Variants in CILK1 observed in about 807,000 individuals in gnomAD.
CILK1 encodes the protein serine/threonine-protein kinase ICK.
A neutral mutation model predicts 79.2 loss-of-function variants in CILK1; 47 were observed. That is an observed-to-expected ratio of 0.59 (90% CI 0.47 to 0.76). The LOEUF (loss-of-function observed/expected upper bound fraction) is 0.76, where lower values mean the gene tolerates loss of function less well. CILK1 is among the 30% of genes least tolerant of loss of function. CILK1 has a pLI of 0.00. For synonymous variants in CILK1, 266 were observed against 275.9 expected, an observed-to-expected ratio of 0.96 and a Z score of 0.36; for missense variants, 660 against 769.5, an observed-to-expected ratio of 0.86 and a Z score of 1.68.
intron 2 of CILK1, among the ~76,000 whole-genome samples, chr6:53,040,229 T>C (rs1320708166): frequency 6.6e-6 from 1 of 152,180 alleles, no homozygotes; most frequent in Non-Finnish European, 1.5e-5. Context: ...CCCCTCTCCT[T>C]CAACGACTTG....
At chr6:53,018,853 G>C (rs565438947) in intron 6 of CILK1, among the ~76,000 whole-genome samples, 1 of 152,310 alleles carries the variant, frequency 6.6e-6, no homozygotes, top group South Asian at 2.1e-4. Flanking sequence ...CTTGTGTGTA[G>C]ACTACTTGGT....
chr6:53,019,309 C>G lies in CILK1; in HGVS notation c.409G>C (p.Glu137Gln), dbSNP rs777048318. The G allele has an allele frequency of 1.8e-5, 29 of 1,613,864 alleles. No homozygotes were observed. Among genetic ancestry groups the G allele is most frequent in the Admixed American group, 5.0e-5 (3 of 59,990 alleles). ...KPENLLCMGP[E>Q]LVKIADFGLA... The stretch of plus-strand genomic sequence containing the variant: ...CCAAAGTCTGCAATTTTCACAAGTT[C>G]TGGTCCCATGCAGAGGAGGTTCTCA... The change falls in exon 6 of 14, where the codon GAA becomes CAA. Residue 137 changes from glutamate (E) to glutamine (Q), a missense_variant. Transcript: ENST00000676107.
chr6:53,052,528 C>T (rs1293010181), intron 1 of CILK1, among the ~76,000 whole-genome samples: 1 of 151,962 alleles, frequency 6.6e-6, no homozygotes, highest in Non-Finnish European at 1.5e-5. Flanking sequence ...GTCAGGAGTT[C>T]GAGATCAGCC....
At chr6:53,028,051 G>A (rs1765689841) in intron 5 of CILK1, among the ~76,000 whole-genome samples, 1 of 152,068 alleles carries the variant, frequency 6.6e-6, no homozygotes, top group Non-Finnish European at 1.5e-5. Flanking sequence ...GGAGGCTGAG[G>A]CGGGAGAATG....
chr6:53,039,761 T>G (rs994375187), intron 2 of CILK1, among the ~76,000 whole-genome samples: 3 of 152,160 alleles, frequency 2.0e-5, no homozygotes, highest in Non-Finnish European at 4.4e-5. Flanking sequence ...TGAAGTTGTA[T>G]GTTTAAAATA....
chr6:53,042,839 T>C (rs1581747282), intron 1 of CILK1, among the ~76,000 whole-genome samples: 1 of 152,112 alleles, frequency 6.6e-6, no homozygotes, highest in Non-Finnish European at 1.5e-5. Context: ...AGTGAAAAAG[T>C]TGGTAAAATC....
intron 8 of CILK1, among the ~76,000 whole-genome samples, chr6:53,015,419 T>C (rs1167198963): frequency 6.6e-6 from 1 of 152,248 alleles, no homozygotes; most frequent in East Asian, 1.9e-4. Flanking sequence ...CCTGACTTCA[T>C]ACTTCCGGTC....
Position 53,061,785 on chromosome 6 carries a change from G to T in CILK1, c.-362C>A, listed in dbSNP as rs748806828. On this transcript the variant is annotated 5_prime_UTR_variant, in exon 1 of 14. It adds an upstream start codon to the 5' untranslated region. Coordinates refer to ENST00000676107, the MANE Select transcript of CILK1 (RefSeq NM_014920.5). ...CCGCACGGCGCATGGTAGTGCAGCA[G>T]GAACCCGGCCGTTTTCCAGCCTCCG... The T allele has an allele frequency of 6.6e-5, 10 of 152,298 alleles. No homozygotes were observed. The highest frequency in any genetic ancestry group is 1.5e-4 in the Non-Finnish European group (10 of 68,068). 9.4% of individuals were successfully genotyped at this position (152,298 alleles called of 1,614,324 possible).
intron 3 of CILK1, among the ~76,000 whole-genome samples, chr6:53,035,005 T>A (rs1766217213): frequency 6.6e-6 from 1 of 152,102 alleles, no homozygotes; most frequent in South Asian, 2.1e-4. Flanking sequence ...CCTAGTTTGG[T>A]TCTGAGGGAG....
intron 4 of CILK1, among the ~76,000 whole-genome samples, chr6:53,031,894 T>TGC (rs926955221): frequency 2.0e-5 from 3 of 152,128 alleles, no homozygotes; most frequent in African/African-American, 7.2e-5. Flanking sequence ...AGTGCAATGG[T>TGC]GCGATGTCCG....
chr6:53,008,591 A>G (rs535786501), intron 12 of CILK1, among the ~76,000 whole-genome samples: 2 of 151,970 alleles, frequency 1.3e-5, no homozygotes, highest in Admixed American at 6.6e-5. Context: ...ATGCCTGGCT[A>G]ATTTTTATAT....
At chr6:53,037,850 A>G (rs775627625) in intron 3 of CILK1, 89 bp downstream of exon 3, 1 of 806,522 alleles carries the variant, frequency 1.2e-6, no homozygotes, top group Non-Finnish European at 2.1e-6. Flanking sequence ...AAAAAATTCA[A>G]ATGAAATGAC....
intron 8 of CILK1, among the ~76,000 whole-genome samples, chr6:53,014,402 T>C (rs1323477653): frequency 6.6e-6 from 1 of 152,174 alleles, no homozygotes; most frequent in African/African-American, 2.4e-5. Flanking sequence ...CTCTGAAGAA[T>C]TGAGTACAAA....
chr6:53,018,521 C>T lies in CILK1; in HGVS notation c.492-20G>A, dbSNP rs76583105. ...CTGTACCTGGAGGAACAAAGGTTAA[C>T]TGCTAGCTATTGCTTCCACCACTCA... On this transcript the variant is annotated intron_variant, in intron 6 of 13. Coordinates refer to ENST00000676107, the MANE Select transcript of CILK1 (RefSeq NM_014920.5). The T allele has an allele frequency of 2.0e-3, 3,254 of 1,612,662 alleles. 57 individuals carry two copies. In the African/African-American group the frequency reaches 0.036, roughly 18 times the overall value.
rs754954751 is a variant in CILK1 at position 53,032,574 on chromosome 6, G to A, written c.237C>T (p.Phe79=). The A allele has an allele frequency of 1.7e-5, 27 of 1,606,004 alleles. No individual in the cohort carries two copies. In the South Asian group the frequency reaches 2.0e-4, roughly 12 times the overall value. ...GGTAAAGATTTTCCTTCATGTACTC[G>A]AAGATAAAATAAAGATGATCATTTT... ...IRENDHLYFI[F]EYMKENLYQL... Residue 79 remains phenylalanine (F), a synonymous_variant, in exon 4 of 14, where the codon TTC becomes TTT. Coordinates refer to ENST00000676107, the MANE Select transcript of CILK1 (RefSeq NM_014920.5).
intron 12 of CILK1, among the ~76,000 whole-genome samples, chr6:53,007,384 CA>C (rs1764291872): frequency 6.6e-6 from 1 of 152,100 alleles, no homozygotes; most frequent in Admixed American, 6.6e-5. Context: ...AGAATTTGAA[CA>C]GGTAAGTCAC....
intron 3 of CILK1, among the ~76,000 whole-genome samples, chr6:53,034,092 C>T (rs1282896727): frequency 6.6e-6 from 1 of 152,228 alleles, no homozygotes; most frequent in Non-Finnish European, 1.5e-5. Flanking sequence ...GTGATCACAG[C>T]TATCTTTTAT....
intron 1 of CILK1, 66 bp from the exon 2 acceptor site, chr6:53,041,474 A>G: frequency 2.1e-6 from 1 of 480,530 alleles, no homozygotes; most frequent in Non-Finnish European, 3.8e-6. Context: ...TGTTTTTGTA[A>G]GTCTAAATCT....
At chr6:53,039,563 C>T (rs1766568826) in intron 2 of CILK1, among the ~76,000 whole-genome samples, 1 of 152,182 alleles carries the variant, frequency 6.6e-6, no homozygotes, top group African/African-American at 2.4e-5. Flanking sequence ...GCAACTGGCT[C>T]AGGCAGGCTG....
Sources: allele counts gnomAD v4.1 joint callset (sites outside exome capture counted in the v4.1 genomes callset), GRCh38; gene constraint gnomAD v4.1.1; transcripts MANE v1.5; gene names NCBI Gene and HGNC (gene_info 2026-07-23, HGNC 2026-07-21).